The following FGD5 variants were observed in gnomAD, a reference collection of about 807,000 sequenced individuals.
FGD5 encodes the protein FYVE, RhoGEF and PH domain-containing protein 5.
In FGD5, 28 loss-of-function variants were observed where a neutral mutation model predicts 133.4. That is an observed-to-expected ratio of 0.21 (90% CI 0.16 to 0.29). The LOEUF (loss-of-function observed/expected upper bound fraction) is 0.29, where lower values mean the gene tolerates loss of function less well. FGD5 is among the 10% of genes least tolerant of loss of function. The pLI, the probability that FGD5 is intolerant of heterozygous loss-of-function variation, is 1.00. For synonymous variants in FGD5, 810 were observed against 776.5 expected (o/e 1.04, Z -0.72); for missense variants, 1,858 against 1,895.2 (o/e 0.98, Z 0.36).
At position 14,880,582 on chromosome 3, in the gene FGD5, A is replaced by T; in HGVS notation, c.2669A>T (p.Gln890Leu). ...TCTTTCCTCCCACAGGTGGAAGGAC[A>T]GTCCAGAGCCCTTGTCATCGCACAG... Reference protein sequence around the residue: ...DPSVTHKVEGQSRALVIAQEL... With the variant: ...DPSVTHKVEGLSRALVIAQEL... Residue 890 changes from glutamine (Q) to leucine (L), a missense_variant, in exon 3 of 20, where the codon CAG becomes CTG. Physicochemically the swap from Gln to Leu is moderately radical, Grantham distance 113 (BLOSUM62 -2). This residue lies in a region of FGD5 where 1,824 missense variants were observed against 1,848.9 expected (regional missense o/e 0.99). Transcript: ENST00000285046. 1 of 1,613,908 alleles carries T rather than the reference A, an allele frequency of 6.2e-7. No homozygotes were observed. The highest frequency in any genetic ancestry group is 8.5e-7 in the Non-Finnish European group (1 of 1,179,872).
intron 1 of FGD5, among the ~76,000 whole-genome samples, chr3:14,822,147 A>G (rs1034303602): frequency 1.3e-5 from 2 of 152,284 alleles, no homozygotes; most frequent in Non-Finnish European, 2.9e-5. Context: ...AAATCAGAGT[A>G]GATATTCTGT....
rs2038714792 is a variant in FGD5 at position 14,922,931 on chromosome 3, C to G, written c.3808-115C>G. The G allele has an allele frequency of 2.1e-6, 3 of 1,451,536 alleles. No homozygotes were observed. The highest frequency in any genetic ancestry group is 2.8e-6 in the Non-Finnish European group (3 of 1,053,498). The allele number at this position is 1,451,536 out of a possible 1,614,324, so 89.9% of individuals were successfully genotyped here. A position where few individuals can be genotyped will look rare whatever the true frequency, so the allele number is the denominator to read the frequency against. On this transcript the variant is annotated intron_variant, in intron 15 of 19. Transcript: ENST00000285046. This position sits in a 1 kb window ranked among gnomAD's most constrained non-coding sequence, Gnocchi z 4.1. ...ACACGCACAGCTCCATGATCAGAAC[C>G]TGGGGCTCCCTAGGGGCAGTTGTGG...
intron 18 of FGD5, chr3:14,930,908 T>A (rs1304237940): frequency 6.6e-6 from 1 of 152,192 alleles, no homozygotes. Flanking sequence ...TGCTACTATA[T>A]ACACATAAAA....
intron 11 of FGD5, among the ~76,000 whole-genome samples, chr3:14,912,255 C>T (rs545374640): frequency 5.9e-5 from 9 of 152,254 alleles, no homozygotes; most frequent in South Asian, 2.1e-4. Context: ...TGCTGGGCCC[C>T]GATGGCTGGT....
chr3:14,856,376 A>G, intron 1 of FGD5, among the ~76,000 whole-genome samples: 1 of 152,106 alleles, frequency 6.6e-6, no homozygotes, highest in East Asian at 1.9e-4. Context: ...GCTCCATGTA[A>G]ATTTTAGAAT....
chr3:14,926,637 C>T (rs760479193), intron 18 of FGD5, among the ~76,000 whole-genome samples: 1 of 152,216 alleles, frequency 6.6e-6, no homozygotes, highest in Non-Finnish European at 1.5e-5. Context: ...AGTAATTCTT[C>T]TAAAGAAAAC....
intron 9 of FGD5, among the ~76,000 whole-genome samples, chr3:14,904,503 A>AC (rs1163648861): frequency 2.0e-5 from 1 of 48,826 alleles, no homozygotes; most frequent in Non-Finnish European, 3.8e-5. Context: ...TATAGATTTC[A>AC]GGGTGTGTGT....
intron 4 of FGD5, among the ~76,000 whole-genome samples, chr3:14,881,415 T>C (rs1404388302): frequency 6.6e-6 from 1 of 152,072 alleles, no homozygotes; most frequent in Non-Finnish European, 1.5e-5. Context: ...AACTGGAGAA[T>C]GGGAAGACAG....
intron 2 of FGD5, among the ~76,000 whole-genome samples, chr3:14,868,491 C>T (rs1293320201): frequency 2.6e-5 from 4 of 152,236 alleles, no homozygotes; most frequent in African/African-American, 4.8e-5. Context: ...AAAGGGTCCA[C>T]CTGAGCCCTG....
chr3:14,825,684 TC>T (rs2125072719), intron 1 of FGD5, among the ~76,000 whole-genome samples: 1 of 152,250 alleles, frequency 6.6e-6, no homozygotes, highest in Non-Finnish European at 1.5e-5. Context: ...CCTGAAGCAT[TC>T]TTTGTTCCCT....
At chr3:14,923,602 C>T (rs1397373304) in intron 16 of FGD5, among the ~76,000 whole-genome samples, 1 of 152,116 alleles carries the variant, frequency 6.6e-6, no homozygotes, top group Non-Finnish European at 1.5e-5. Flanking sequence ...GAAGCTGAGC[C>T]GGCCCCTGAG....
Position 14,819,521 on chromosome 3 carries a change from C to G in FGD5, c.450C>G (p.Cys150Trp). 6.4e-7 allele frequency: 1 copy of G among 1,551,372 alleles called. No homozygotes were observed. Among genetic ancestry groups the G allele is most frequent in the Non-Finnish European group, 8.7e-7 (1 of 1,146,956 alleles). The change falls in exon 1 of 20, where the codon TGC (cysteine) becomes TGG (tryptophan). Residue 150 changes from cysteine (C) to tryptophan (W), a missense_variant. Physicochemically the swap from Cys to Trp is radical, Grantham distance 215. Coordinates refer to ENST00000285046, the MANE Select transcript of FGD5 (RefSeq NM_152536.4). The surrounding 1 kb of genome is among the most constrained non-coding windows in gnomAD (Gnocchi z 4.1). ...CTCTTGAGGATGAAGGGGAGGGCTG[C>G]GCTGATGAGCCAGGGACACTGGAGC... ...DLALEDEGEG[C>W]ADEPGTLEQV...
intron 10 of FGD5, among the ~76,000 whole-genome samples, chr3:14,910,308 C>G (rs541220168): frequency 1.3e-5 from 2 of 152,196 alleles, no homozygotes; most frequent in Non-Finnish European, 2.9e-5. Flanking sequence ...GGCACCCGCA[C>G]GCATCTCCTT....
chr3:14,923,795 GC>G (rs2038733694), intron 16 of FGD5, among the ~76,000 whole-genome samples: 1 of 152,184 alleles, frequency 6.6e-6, no homozygotes, highest in Non-Finnish European at 1.5e-5. Flanking sequence ...GAGGTGAAGG[GC>G]TGTCCAGCGC....
intron 1 of FGD5, among the ~76,000 whole-genome samples, chr3:14,832,266 G>A (rs1456645881): frequency 7.9e-5 from 12 of 152,108 alleles, no homozygotes; most frequent in African/African-American, 2.7e-4. Flanking sequence ...ACACTTTTAC[G>A]TAAGAGGCTT....
chr3:14,816,266 A>G (rs6442478), upstream of FGD5, among the ~76,000 whole-genome samples: 86,459 of 152,000 alleles, frequency 0.57, 27,192 homozygotes, highest in African/African-American at 0.86. Context: ...TGTTAAGGAT[A>G]AGAAATGAGA....
rs768614779 is a variant in FGD5, at chr3:14,821,616, C to A, written c.2525+20C>A. The A allele has an allele frequency of 3.9e-6, 6 of 1,542,950 alleles. No homozygotes were observed. Among genetic ancestry groups the A allele is most frequent in the Non-Finnish European group, 5.2e-6 (6 of 1,143,012 alleles). Reference sequence around the variant, plus strand: ...AGAAAGGTACCTGACATTCTATTTCCTTTCTTGTTCGGCAGCTGTAACTGT... The same window carrying A: ...AGAAAGGTACCTGACATTCTATTTCATTTCTTGTTCGGCAGCTGTAACTGT... On this transcript the variant is annotated intron_variant, in intron 1 of 19. Coordinates refer to ENST00000285046, the MANE Select transcript of FGD5 (RefSeq NM_152536.4).
At chr3:14,860,713 C>T (rs2037381381) in intron 1 of FGD5, among the ~76,000 whole-genome samples, 1 of 152,070 alleles carries the variant, frequency 6.6e-6, no homozygotes, top group Non-Finnish European at 1.5e-5. Flanking sequence ...GTGGCATATA[C>T]CTATAATTCC....
At position 14,819,050 on chromosome 3, in the gene FGD5, G is replaced by A. The variant is rs762260171; in HGVS notation, c.-22G>A. On this transcript the variant is annotated 5_prime_UTR_variant, in exon 1 of 20. Coordinates refer to ENST00000285046, the MANE Select transcript of FGD5 (RefSeq NM_152536.4). The surrounding 1 kb of genome is among the most constrained non-coding windows in gnomAD (Gnocchi z 4.1). ...AATTCCCTTCCTCAGCCAGGCCCGAGAGTCTTCACAGTCCAAACTCCATGT... is the reference window on the plus strand; with the variant it reads ...AATTCCCTTCCTCAGCCAGGCCCGAAAGTCTTCACAGTCCAAACTCCATGT... The A allele has an allele frequency of 1.3e-6, 2 of 1,526,858 alleles. No individual in the cohort carries two copies. The highest frequency in any genetic ancestry group is 2.5e-5 in the South Asian group (2 of 80,768). 94.6% of individuals were successfully genotyped at this position (1,526,858 alleles called of 1,614,324 possible).
Sources: gnomAD v4.1 joint callset for allele counts (sites outside exome capture counted in the v4.1 genomes callset) on GRCh38, gnomAD v4.1.1 for gene constraint, gnomAD v4.1.1 regional missense constraint, Gnocchi (gnomAD v3.1) non-coding constraint, MANE v1.5 for transcripts, NCBI Gene and HGNC (gene_info 2026-07-23, HGNC 2026-07-21) for gene names.